The following SMG5 variants were observed in gnomAD, a reference collection of about 807,000 sequenced individuals.
SMG5 encodes the protein nonsense-mediated mRNA decay factor SMG5.
A neutral mutation model predicts 122.9 loss-of-function variants in SMG5; 53 were observed. The ratio of observed to expected loss-of-function variants is 0.43; its 90% CI spans 0.35 to 0.54. The LOEUF is 0.54. Among genes scored for constraint, SMG5 ranks in the 20% least tolerant of loss-of-function variants. The probability of loss-of-function intolerance (pLI) is 0.01; values close to 1 mark genes in which losing one functional copy is unlikely to be tolerated. For synonymous variants in SMG5, 477 were observed against 490.2 expected (o/e 0.97, Z 0.35); for missense variants, 1,153 against 1,285.6 (o/e 0.90, Z 1.58).
At chr1:156,265,507 G>A (rs1416545361) in intron 12 of SMG5, among the ~76,000 whole-genome samples, 1 of 152,178 alleles carries the variant, frequency 6.6e-6, no homozygotes. Context: ...AGCTGCAGCT[G>A]CAATTGTTGT....
chr1:156,285,745 G>A, upstream of SMG5: 1 of 1,613,316 alleles, frequency 6.2e-7, no homozygotes, highest in Non-Finnish European at 8.5e-7. Context: ...CTGAGCGCAA[G>A]TGGGCTGAGG....
intron 13 of SMG5, among the ~76,000 whole-genome samples, chr1:156,262,836 A>G (rs991598545): frequency 2.1e-5 from 3 of 143,134 alleles, no homozygotes; most frequent in African/African-American, 5.1e-5. Context: ...AGAAGAAAAC[A>G]TTGAATAAAT....
At chr1:156,277,878 C>A in intron 3 of SMG5, 47 bp downstream of exon 3, 2 of 1,608,840 alleles carry the variant, frequency 1.2e-6, no homozygotes, top group Non-Finnish European at 1.7e-6. Flanking sequence ...TCCTAGCTGT[C>A]TCTTCCTTCC....
At chr1:156,259,935 G>C (rs1007191512) in intron 15 of SMG5, among the ~76,000 whole-genome samples, 1 of 152,166 alleles carries the variant, frequency 6.6e-6, no homozygotes, top group African/African-American at 2.4e-5. Context: ...TGGTTGGAGG[G>C]AGCAGCCAGG....
At chr1:156,291,486 A>G in the SMG5 span, 4 of 1,612,776 alleles carry the variant, frequency 2.5e-6, no homozygotes, top group Non-Finnish European at 3.4e-6. Flanking sequence ...TGGAACCTCT[A>G]CTACATGTTC....
At chr1:156,289,014 A>T in the SMG5 span, among the ~76,000 whole-genome samples, 1 of 152,218 alleles carries the variant, frequency 6.6e-6, no homozygotes, top group Non-Finnish European at 1.5e-5. Flanking sequence ...GTCAGTCGGC[A>T]ATAGTGGCAG....
At chr1:156,253,545 G>GT in intron 16 of SMG5, 37 bp from the exon 17 acceptor site, 1 of 1,600,980 alleles carries the variant, frequency 6.2e-7, no homozygotes, top group Non-Finnish European at 8.6e-7. Flanking sequence ...GAGTTGGGGT[G>GT]TATTTTCCCT....
Position 156,263,419 on chromosome 1 carries a change from G to A in SMG5, c.2007C>T (p.Pro669=), listed in dbSNP as rs370050065. ...CCTGCGCACACACGATGATGAGGTCGGGGTTGGTCCGAAGCCAGTCCAGGA... is the reference window on the plus strand; with the variant it reads ...CCTGCGCACACACGATGATGAGGTCAGGGTTGGTCCGAAGCCAGTCCAGGA... ...KVFLDWLRTN[P]DLIIVCAQSS... The change falls in exon 13 of 22, where the codon CCC becomes CCT. Residue 669 remains proline, a synonymous_variant. Coordinates refer to ENST00000361813, the MANE Select transcript of SMG5 (RefSeq NM_015327.3). 6.6e-5 allele frequency: 107 copies of A among 1,614,166 alleles called. No homozygotes were observed. The highest frequency in any genetic ancestry group is 2.1e-4 in the African/African-American group (16 of 75,058).
At chr1:156,275,962 G>C (rs1057301557) in intron 4 of SMG5, among the ~76,000 whole-genome samples, 1 of 151,574 alleles carries the variant, frequency 6.6e-6, no homozygotes, top group East Asian at 1.9e-4. Context: ...CAACATGCAC[G>C]CACCACCATG....
intron 12 of SMG5, among the ~76,000 whole-genome samples, chr1:156,264,111 T>C (rs1163152440): frequency 2.0e-5 from 3 of 151,406 alleles, no homozygotes; most frequent in Non-Finnish European, 4.4e-5. Context: ...CTACTAAAAA[T>C]ACAAAAATTA....
intron 7 of SMG5, 69 bp downstream of exon 7, chr1:156,272,251 G>A: frequency 7.3e-7 from 1 of 1,373,220 alleles, no homozygotes; most frequent in Non-Finnish European, 1.0e-6. Flanking sequence ...AGGAAGGGAA[G>A]ACGGAAAACA....
rs776780601 is a variant in SMG5, at chr1:156,265,916, T to A, written c.1720A>T (p.Met574Leu). The change falls in exon 12 of 22, where the codon ATG (methionine) becomes TTG (leucine). Residue 574 changes from methionine to leucine, a missense_variant. Physicochemically the swap from Met to Leu is conservative, Grantham distance 15 (BLOSUM62 2). Transcript: ENST00000361813. ...ASNLQAMSTQ[M>L]FQTKRCFRLA... Reference sequence around the variant, plus strand: ...CGGAAGCAGCGCTTAGTCTGGAACATCTGGGTGGACATGGCTTGTAGATTG... The same window carrying A: ...CGGAAGCAGCGCTTAGTCTGGAACAACTGGGTGGACATGGCTTGTAGATTG... 1.9e-5 allele frequency: 30 copies of A among 1,614,018 alleles called. No individual in the cohort carries two copies. Among genetic ancestry groups the A allele is most frequent in the Non-Finnish European group, 2.5e-5 (30 of 1,180,016 alleles).
upstream of SMG5, chr1:156,283,214 T>G (rs1663049490): frequency 1.6e-5 from 3 of 190,576 alleles, no homozygotes; most frequent in South Asian, 5.6e-4. Flanking sequence ...CCCCATAATT[T>G]AAACAAACAA....
At chr1:156,266,488 C>T in intron 11 of SMG5, 53 bp downstream of exon 11, 1 of 1,612,032 alleles carries the variant, frequency 6.2e-7, no homozygotes, top group South Asian at 1.1e-5. Flanking sequence ...TTTCCTTCAT[C>T]CCCATGCCCC....
rs1438345195 is a variant in SMG5, at chr1:156,282,781, C to T, written c.-101G>A. The stretch of plus-strand genomic sequence containing the variant: ...GCCGTAGCCGCAGCCGCCGCCGCCA[C>T]CGGCCCTGCTCGGCCGCCATCGCTG... On this transcript the variant is annotated 5_prime_UTR_variant, in exon 1 of 22. The change creates a new upstream start codon in the 5' untranslated region. Transcript: ENST00000361813. The T allele has an allele frequency of 3.8e-6, 5 of 1,315,252 alleles. No homozygotes were observed. Among genetic ancestry groups the T allele is most frequent in the Non-Finnish European group, 4.1e-6 (4 of 975,042 alleles). 81.5% of individuals were successfully genotyped at this position (1,315,252 alleles called of 1,614,324 possible).
intron 16 of SMG5, among the ~76,000 whole-genome samples, chr1:156,258,043 T>C (rs1272791927): frequency 1.3e-5 from 2 of 152,224 alleles, no homozygotes; most frequent in Non-Finnish European, 2.9e-5. Flanking sequence ...GTGCCTAGAA[T>C]ACTGTCATGT....
At chr1:156,265,703 T>C in intron 12 of SMG5, 78 bp downstream of exon 12, 1 of 1,544,696 alleles carries the variant, frequency 6.5e-7, no homozygotes, top group Non-Finnish European at 8.7e-7. Flanking sequence ...TTCACACAGA[T>C]AGGAAAGCGG....
At chr1:156,269,423 C>T (rs1487701755) in intron 7 of SMG5, among the ~76,000 whole-genome samples, 1 of 151,922 alleles carries the variant, frequency 6.6e-6, no homozygotes, top group Non-Finnish European at 1.5e-5. Flanking sequence ...CCCTGTCTTA[C>T]TAAAAACAAA....
Position 156,268,314 on chromosome 1 carries a change from C to T in SMG5, c.815G>A (p.Arg272Gln), listed in dbSNP as rs946177911. 5.6e-6 allele frequency: 9 copies of T among 1,614,030 alleles called. No individual in the cohort carries two copies. Among genetic ancestry groups the T allele is most frequent in the African/African-American group, 4.0e-5 (3 of 74,904 alleles). The change falls in exon 8 of 22, where the codon CGG (arginine) becomes CAG (glutamine). Residue 272 changes from arginine to glutamine, a missense_variant. This residue lies in a region of SMG5 where 631 missense variants were observed against 650.6 expected (regional missense o/e 0.97). Coordinates refer to ENST00000361813, the MANE Select transcript of SMG5 (RefSeq NM_015327.3). ...MYHQLKKCETRKLSPGKKRCK... is the reference protein window; with the variant it reads ...MYHQLKKCETQKLSPGKKRCK... ...CCGCTTTTTGCCAGGAGACAGTTTC[C>T]GAGTCTCACACTTCTTCAGTTGGTG... is the stretch of plus-strand genomic sequence containing the variant.
Sources: allele counts gnomAD v4.1 joint callset (sites outside exome capture counted in the v4.1 genomes callset), GRCh38; gene constraint gnomAD v4.1.1; regional missense constraint gnomAD v4.1.1; transcripts MANE v1.5; gene names NCBI Gene and HGNC (gene_info 2026-07-23, HGNC 2026-07-21).